The following CKAP5 variants were observed in gnomAD, a reference collection of about 807,000 sequenced individuals.
CKAP5 encodes cytoskeleton associated protein 5.
A neutral mutation model predicts 232.8 loss-of-function variants in CKAP5; 27 were observed. That is an observed-to-expected ratio of 0.12 (90% CI 0.09 to 0.16). The LOEUF is 0.16. CKAP5 is among the 10% of genes least tolerant of loss of function. The pLI is 1.00. For synonymous variants in CKAP5, 785 were observed against 841.1 expected (o/e 0.93, Z 1.16); for missense variants, 1,838 against 2,424.7 (o/e 0.76, Z 5.08).
At chr11:46,748,796 T>C (rs1274444256) in intron 42 of CKAP5, among the ~76,000 whole-genome samples, 1 of 151,718 alleles carries the variant, frequency 6.6e-6, no homozygotes, top group African/African-American at 2.4e-5. Flanking sequence ...CAAAAGTCAA[T>C]GGATCAGGCT....
chr11:46,771,427 G>A (rs935678584), intron 24 of CKAP5, among the ~76,000 whole-genome samples: 1 of 151,778 alleles, frequency 6.6e-6, no homozygotes, highest in Non-Finnish European at 1.5e-5. Context: ...TTTCATTTTT[G>A]AGACAAGGTT....
Position 46,821,202 on chromosome 11 carries a change from C to T in CKAP5, c.30G>A (p.Leu10=). 3.1e-6 allele frequency: 5 copies of T among 1,613,130 alleles called. No individual in the cohort carries two copies. Among genetic ancestry groups the T allele is most frequent in the Non-Finnish European group, 4.2e-6 (5 of 1,179,230 alleles). ...TGTGTTCACATTTCTGATCAACTGG[C>T]AGTTTCAACCACTCACTGTCATCTC... MGDDSEWLK[L]PVDQKCEHKL... is the part of the protein sequence containing the mutation. Residue 10 remains leucine (L), a synonymous_variant, in exon 2 of 44, where the codon CTG becomes CTA. Transcript: ENST00000529230.
At chr11:46,756,683 C>T (rs2065112637) in intron 35 of CKAP5, among the ~76,000 whole-genome samples, 2 of 152,072 alleles carry the variant, frequency 1.3e-5, no homozygotes, top group African/African-American at 4.8e-5. Context: ...CTGCATTTAC[C>T]TGTCATGTCT....
rs367758998 is a variant in CKAP5 at position 46,805,807 on chromosome 11, G to C, written c.978+2224C>G. Among the ~76,000 whole-genome samples the C allele has an allele frequency of 2.7e-3, 415 of 152,296 alleles. 3 individuals are homozygous for C. Among genetic ancestry groups the C allele is most frequent in the African/African-American group, 9.8e-3 (407 of 41,578 alleles). ...AAAAATTAGCTGGGTGTGATGGCAA[G>C]TGCCTATAAATCCCAGCTATTTGGG... is the stretch of plus-strand genomic sequence containing the variant. On this transcript the variant is annotated intron_variant, in intron 8 of 43. Transcript: ENST00000529230.
chr11:46,800,943 C>T (rs1565742599), intron 9 of CKAP5, among the ~76,000 whole-genome samples: 1 of 150,866 alleles, frequency 6.6e-6, no homozygotes, highest in Non-Finnish European at 1.5e-5. Context: ...AAGTAATAAG[C>T]AAATAAATAA....
chr11:46,783,072 G>A, intron 18 of CKAP5: 1 of 351,226 alleles, frequency 2.8e-6, no homozygotes, highest in Non-Finnish European at 5.1e-6. Flanking sequence ...ATAACGTAGA[G>A]AACTCTTTCA....
chr11:46,840,592 T>C (rs1940029310), intron 1 of CKAP5, among the ~76,000 whole-genome samples: 1 of 152,226 alleles, frequency 6.6e-6, no homozygotes. Flanking sequence ...TCAAATTTAT[T>C]GCAATTAAAA....
chr11:46,751,588 G>A, intron 38 of CKAP5, 54 bp from the exon 39 acceptor site: 1 of 1,428,626 alleles, frequency 7.0e-7, no homozygotes, highest in South Asian at 1.3e-5. Flanking sequence ...AGGATAATTT[G>A]TCACCATTCA....
At chr11:46,756,461 AGAGT>A (rs2065111199) in intron 35 of CKAP5, among the ~76,000 whole-genome samples, 2 of 152,358 alleles carry the variant, frequency 1.3e-5, no homozygotes, top group East Asian at 3.9e-4. Flanking sequence ...GAATCATTTA[AGAGT>A]AAGTTGTCAA....
At chr11:46,797,091 C>G (rs1405854682) in intron 11 of CKAP5, 151 bp from the exon 12 acceptor site, 8 of 880,002 alleles carry the variant, frequency 9.1e-6, no homozygotes, top group African/African-American at 1.7e-5. Context: ...TTGACAGTTA[C>G]TCTTTCAAAA....
chr11:46,791,173 A>C (rs1054931142), intron 13 of CKAP5, among the ~76,000 whole-genome samples: 19 of 152,158 alleles, frequency 1.2e-4, no homozygotes, highest in Admixed American at 4.6e-4. Context: ...TGATGGCCTG[A>C]AATTATACTA....
At chr11:46,751,644 TA>T (rs2065065383) in intron 38 of CKAP5, 110 bp from the exon 39 acceptor site, 1 of 883,046 alleles carries the variant, frequency 1.1e-6, no homozygotes, top group South Asian at 1.7e-5. Flanking sequence ...GCCAGGGCTA[TA>T]AATGTGGCAC....
rs758307549 is a variant in CKAP5, at chr11:46,769,990, C to T, written c.3295G>A (p.Ala1099Thr). ...KATSKPMGGS[A>T]PAKFQPASAP... ...GATGCAGGCTGGAATTTGGCTGGAG[C>T]GGACCCTCCCATTGGTTTAGAAGTT... The change falls in exon 26 of 44, where the codon GCT (alanine) becomes ACT (threonine). Residue 1099 changes from alanine (A) to threonine (T), a missense_variant. Physicochemically the swap from Ala to Thr is moderately conservative, Grantham distance 58. Transcript: ENST00000529230. 13 of 1,613,968 alleles carry T rather than the reference C, an allele frequency of 8.1e-6. No individual in the cohort carries two copies. The highest frequency in any genetic ancestry group is 2.2e-5 in the East Asian group (1 of 44,894).
intron 4 of CKAP5, among the ~76,000 whole-genome samples, chr11:46,813,168 C>T (rs1288508772): frequency 6.6e-6 from 1 of 152,088 alleles, no homozygotes; most frequent in African/African-American, 2.4e-5. Flanking sequence ...GAATAACCTA[C>T]ATAATCTCTA....
Position 46,780,255 on chromosome 11 carries a change from C to A in CKAP5, c.2372G>T (p.Arg791Leu), listed in dbSNP as rs746516724. 6.2e-7 allele frequency: 1 copy of A among 1,613,984 alleles called. No individual in the cohort carries two copies. Among genetic ancestry groups the A allele is most frequent in the South Asian group, 1.1e-5 (1 of 91,082 alleles). Residue 791 changes from arginine (R) to leucine (L), a missense_variant, in exon 20 of 44, where the codon CGA becomes CTA. Arg to Leu is a moderately radical substitution (Grantham distance 102). Coordinates refer to ENST00000529230, the MANE Select transcript of CKAP5 (RefSeq NM_001008938.4). ...VMYLYVGPSL[R>L]MFFEDEKPAL... ...AGGCTTCTCATCCTCAAAGAACATT[C>A]GCAAAGAGGGACCAACATACAGATA...
intron 8 of CKAP5, among the ~76,000 whole-genome samples, chr11:46,803,844 T>C (rs1939092363): frequency 6.6e-6 from 1 of 152,226 alleles, no homozygotes. Context: ...TCACTATTGG[T>C]ATTTATAAAT....
Position 46,750,373 on chromosome 11 carries a change from G to C in CKAP5, c.5605C>G (p.Leu1869Val). The change falls in exon 42 of 44, where the codon CTG (leucine) becomes GTG (valine). Residue 1869 changes from leucine to valine, a missense_variant. Physicochemically the swap from Leu to Val is conservative, Grantham distance 32. This residue lies in a region of CKAP5 where 579 missense variants were observed against 843.2 expected (regional missense o/e 0.69). Transcript: ENST00000529230. Reference protein sequence around the residue: ...KYSDADIEPFLKNSSQFFQSY... With the variant: ...KYSDADIEPFVKNSSQFFQSY... ...TGGAAGAACTGTGAGGAATTTTTCA[G>C]AAATGGTTCAATGTCAGCATCTGAG... is the stretch of plus-strand genomic sequence containing the variant. The C allele has an allele frequency of 6.2e-7, 1 of 1,614,146 alleles. No homozygotes were observed. The highest frequency in any genetic ancestry group is 8.5e-7 in the Non-Finnish European group (1 of 1,179,988).
chr11:46,809,184 CTGG>C (rs1218109460), intron 7 of CKAP5, among the ~76,000 whole-genome samples: 1 of 152,060 alleles, frequency 6.6e-6, no homozygotes, highest in African/African-American at 2.4e-5. Context: ...CAAGAATGTT[CTGG>C]TTTTATGGCA....
At chr11:46,767,809 G>A (rs1239875122) in intron 26 of CKAP5, 146 bp from the exon 27 acceptor site, 2 of 521,382 alleles carry the variant, frequency 3.8e-6, no homozygotes, top group Non-Finnish European at 6.6e-6. Flanking sequence ...TTTTTTTTAT[G>A]AGACAGGATT....
Sources: gnomAD v4.1 joint callset for allele counts (sites outside exome capture counted in the v4.1 genomes callset) on GRCh38, gnomAD v4.1.1 for gene constraint, gnomAD v4.1.1 regional missense constraint, MANE v1.5 for transcripts, NCBI Gene and HGNC (gene_info 2026-07-23, HGNC 2026-07-21) for gene names.